PALLD: variants seen among roughly 807,000 people sequenced by gnomAD.
The protein encoded by PALLD is palladin.
Under a neutral mutation model 123.5 loss-of-function variants are expected in PALLD, and 61 were observed. That is an observed-to-expected ratio of 0.49 (90% CI 0.40 to 0.61). PALLD has a LOEUF of 0.61. PALLD is among the 20% of genes least tolerant of loss of function. The pLI is 0.00. For missense variants in PALLD, 1,273 were observed against 1,377.0 expected, an observed-to-expected ratio of 0.92 and a Z score of 1.20; for synonymous variants, 465 against 496.4, an observed-to-expected ratio of 0.94 and a Z score of 0.84.
intron 10 of PALLD, among the ~76,000 whole-genome samples, chr4:168,716,963 TCTTA>T (rs1785422552): frequency 6.6e-6 from 1 of 152,218 alleles, no homozygotes; most frequent in African/African-American, 2.4e-5. Context: ...TATGGCTGGC[TCTTA>T]CTTGTCTTTC....
chr4:168,588,532 C>G (rs1458977720), intron 2 of PALLD, among the ~76,000 whole-genome samples: 2 of 151,892 alleles, frequency 1.3e-5, no homozygotes, highest in Admixed American at 1.3e-4. Context: ...CTCCTGAGTA[C>G]CTGGGATTAC....
At chr4:168,604,484 G>A (rs931887711) in intron 2 of PALLD, among the ~76,000 whole-genome samples, 1 of 152,154 alleles carries the variant, frequency 6.6e-6, no homozygotes, top group African/African-American at 2.4e-5. Flanking sequence ...AACAGTGCCT[G>A]AATTTGAACA....
chr4:168,692,644 A>T (rs1030715280), intron 8 of PALLD, among the ~76,000 whole-genome samples: 1 of 152,252 alleles, frequency 6.6e-6, no homozygotes. Flanking sequence ...TCTTTTATCT[A>T]CAAGAAATAG....
At chr4:168,510,875 G>A (rs1222271372) in intron 1 of PALLD, among the ~76,000 whole-genome samples, 1 of 152,152 alleles carries the variant, frequency 6.6e-6, no homozygotes, top group African/African-American at 2.4e-5. Context: ...CTGGCATACA[G>A]CACAGCTGTA....
intron 2 of PALLD, among the ~76,000 whole-genome samples, chr4:168,659,128 T>G (rs905962873): frequency 5.2e-4 from 79 of 152,352 alleles, no homozygotes; most frequent in African/African-American, 1.9e-3. Flanking sequence ...TCATTGTGGA[T>G]GTATGAAATG....
At chr4:168,683,637 T>C (rs1781760669) in intron 5 of PALLD, among the ~76,000 whole-genome samples, 1 of 152,158 alleles carries the variant, frequency 6.6e-6, no homozygotes, top group South Asian at 2.1e-4. Flanking sequence ...GTAGTTGTAA[T>C]GAATTTACTT....
At chr4:168,587,665 T>A (rs1466401540) in intron 2 of PALLD, among the ~76,000 whole-genome samples, 2 of 152,120 alleles carry the variant, frequency 1.3e-5, no homozygotes, top group Non-Finnish European at 2.9e-5. Flanking sequence ...TTTTTCCCTA[T>A]TCTACCTCTC....
intron 2 of PALLD, among the ~76,000 whole-genome samples, chr4:168,593,447 GA>G (rs760227495): frequency 2.4e-5 from 2 of 82,082 alleles, no homozygotes; most frequent in Non-Finnish European, 4.5e-5. Context: ...AAAAAAAAAA[GA>G]AAAAAAGGAA....
chr4:168,927,701 G>T lies in PALLD; in HGVS notation c.*1521G>T. The T allele has an allele frequency of 4.4e-6, 1 of 224,846 alleles. No individual in the cohort carries two copies. Among genetic ancestry groups the T allele is most frequent in the Non-Finnish European group, 8.9e-6 (1 of 112,424 alleles). The allele number at this position is 224,846 out of a possible 1,614,324, so 13.9% of individuals were successfully genotyped here. The stretch of plus-strand genomic sequence containing the variant: ...GTGCTGGATTCCAAGGTTTGTAAAG[G>T]CATCTCGGTAAAGACTGCTTTTTGA... On this transcript the variant is annotated 3_prime_UTR_variant, in exon 22 of 22. Coordinates refer to ENST00000505667, the MANE Select transcript of PALLD (RefSeq NM_001166108.2).
At chr4:168,879,532 A>C (rs1038045779) in intron 10 of PALLD, among the ~76,000 whole-genome samples, 5 of 152,208 alleles carry the variant, frequency 3.3e-5, no homozygotes, top group African/African-American at 1.2e-4. Context: ...TTAGAATTCA[A>C]GTTATTTTCA....
intron 17 of PALLD, among the ~76,000 whole-genome samples, chr4:168,916,456 G>A (rs138195419): frequency 1.1e-3 from 161 of 146,986 alleles, no homozygotes; most frequent in African/African-American, 3.5e-3. Context: ...AGTGAAATAC[G>A]TCGGATATTT....
intron 10 of PALLD, among the ~76,000 whole-genome samples, chr4:168,799,745 TGCTACTTTCCTGTTAA>T (rs1443742860): frequency 1.4e-4 from 22 of 152,382 alleles, no homozygotes; most frequent in Middle Eastern, 3.4e-3. Context: ...GTGTATCTGA[TGCTACTTTCCTGTTAA>T]GCTACTATGG....
intron 2 of PALLD, among the ~76,000 whole-genome samples, chr4:168,651,173 T>C (rs1036016641): frequency 5.9e-5 from 9 of 152,216 alleles, no homozygotes; most frequent in African/African-American, 1.9e-4. Flanking sequence ...TAAAGAATTA[T>C]TGCGCAGGGA....
At chr4:168,730,672 T>G (rs1787078983) in intron 10 of PALLD, among the ~76,000 whole-genome samples, 1 of 152,108 alleles carries the variant, frequency 6.6e-6, no homozygotes, top group African/African-American at 2.4e-5. Context: ...TCTTCAGGTC[T>G]TGGGTTAATC....
chr4:168,782,991 T>C (rs1479287828), intron 10 of PALLD, among the ~76,000 whole-genome samples: 1 of 152,012 alleles, frequency 6.6e-6, no homozygotes, highest in African/African-American at 2.4e-5. Flanking sequence ...GACCATAGTT[T>C]GCCAACCCCT....
chr4:168,711,793 G>A lies in PALLD; in HGVS notation c.1834G>A (p.Gly612Arg), dbSNP rs766285791. Reference protein sequence around the residue: ...QFNAAERETNGVHPSRGVNGL... With the variant: ...QFNAAERETNRVHPSRGVNGL... ...CAATGCTGCTGAGAGGGAAACGAAC[G>A]GAGTCCATCCCAGCCGTGGAGTAAA... is the stretch of plus-strand genomic sequence containing the variant. The change falls in exon 10 of 22, where the codon GGA becomes AGA. Residue 612 changes from glycine to arginine, a missense_variant. Transcript: ENST00000505667. 48 of 1,614,008 alleles carry A rather than the reference G, an allele frequency of 3.0e-5. No individual in the cohort carries two copies. The Middle Eastern group carries it at 6.6e-4, about 22-fold the overall frequency.
chr4:168,641,916 C>T (rs1428229962), intron 2 of PALLD, among the ~76,000 whole-genome samples: 3 of 152,200 alleles, frequency 2.0e-5, no homozygotes, highest in Non-Finnish European at 4.4e-5. Context: ...AAACCAGATA[C>T]TCCAGGAGGC....
At chr4:168,507,140 C>T (rs1412217025) in intron 1 of PALLD, among the ~76,000 whole-genome samples, 2 of 151,926 alleles carry the variant, frequency 1.3e-5, no homozygotes, top group Non-Finnish European at 2.9e-5. Flanking sequence ...GCAAAAGGCT[C>T]AAATCAAAAT....
intron 10 of PALLD, among the ~76,000 whole-genome samples, chr4:168,818,466 G>A (rs559523559): frequency 3.9e-5 from 6 of 152,160 alleles, no homozygotes; most frequent in South Asian, 2.1e-4. Context: ...CAGACGTGGC[G>A]GTGCACACCT....
Sources: allele counts gnomAD v4.1 joint callset (sites outside exome capture counted in the v4.1 genomes callset), GRCh38; gene constraint gnomAD v4.1.1; transcripts MANE v1.5; gene names NCBI Gene and HGNC (gene_info 2026-07-23, HGNC 2026-07-21).